The following UBE2E2 variants were observed in gnomAD, a reference collection of about 807,000 sequenced individuals.
UBE2E2 encodes the protein ubiquitin-conjugating enzyme E2 E2.
Under a neutral mutation model 24.7 loss-of-function variants are expected in UBE2E2, and 6 were observed. That is an observed-to-expected ratio of 0.24 (90% CI 0.13 to 0.48). The LOEUF is 0.48. UBE2E2 is among the 20% of genes least tolerant of loss of function. The probability of loss-of-function intolerance (pLI) is 0.99; values close to 1 mark genes in which losing one functional copy is unlikely to be tolerated. For missense variants in UBE2E2, 169 were observed against 245.0 expected (o/e 0.69, Z 2.07); for synonymous variants, 104 against 83.6 (o/e 1.24, Z -1.33).
At chr3:23,425,578 G>C (rs1464085640) in intron 3 of UBE2E2, among the ~76,000 whole-genome samples, 1 of 152,154 alleles carries the variant, frequency 6.6e-6, no homozygotes, top group Non-Finnish European at 1.5e-5. Context: ...ACCACCCCCA[G>C]ATTGAAGAGA....
At chr3:23,295,125 C>G (rs1698875016) in intron 3 of UBE2E2, among the ~76,000 whole-genome samples, 1 of 152,108 alleles carries the variant, frequency 6.6e-6, no homozygotes, top group African/African-American at 2.4e-5. Flanking sequence ...TTCAAAAACA[C>G]AGTGGAATGG....
chr3:23,313,043 G>T (rs1422373716), intron 3 of UBE2E2, among the ~76,000 whole-genome samples: 1 of 152,100 alleles, frequency 6.6e-6, no homozygotes, highest in Non-Finnish European at 1.5e-5. Flanking sequence ...TGATTCATGT[G>T]CTGAGGAGTA....
chr3:23,253,071 C>T (rs1022402900), intron 3 of UBE2E2, among the ~76,000 whole-genome samples: 2 of 152,056 alleles, frequency 1.3e-5, no homozygotes, highest in Non-Finnish European at 2.9e-5. Context: ...ATGACATATT[C>T]CTTACCTGTG....
intron 3 of UBE2E2, among the ~76,000 whole-genome samples, chr3:23,449,135 C>T (rs1158233188): frequency 2.0e-5 from 3 of 152,122 alleles, no homozygotes; most frequent in Non-Finnish European, 2.9e-5. Flanking sequence ...CATTACAGAA[C>T]GTCAGTAGGA....
intron 1 of UBE2E2, among the ~76,000 whole-genome samples, chr3:23,204,114 A>G (rs1238751877): frequency 6.6e-6 from 1 of 151,476 alleles, no homozygotes. Context: ...TTGAAACTGG[A>G]TTCCCTCTGT....
At chr3:23,445,114 G>A (rs1203404005) in intron 3 of UBE2E2, among the ~76,000 whole-genome samples, 1 of 152,114 alleles carries the variant, frequency 6.6e-6, no homozygotes, top group Non-Finnish European at 1.5e-5. Context: ...TACGCATTTA[G>A]CAATAGCTTT....
chr3:23,216,855 C>G (rs1041871387), intron 2 of UBE2E2, among the ~76,000 whole-genome samples: 1 of 152,018 alleles, frequency 6.6e-6, no homozygotes, highest in Non-Finnish European at 1.5e-5. Flanking sequence ...AATGAGATCC[C>G]GAATCATTTG....
intron 3 of UBE2E2, among the ~76,000 whole-genome samples, chr3:23,267,746 C>T (rs1698091014): frequency 6.6e-6 from 1 of 151,576 alleles, no homozygotes; most frequent in Admixed American, 6.6e-5. Context: ...GGCAGAGACA[C>T]AACCAAAAAA....
chr3:23,203,451 C>CA lies in UBE2E2; in HGVS notation c.-21dup, dbSNP rs1203530162. 3.3e-5 allele frequency: 29 copies of CA among 871,558 alleles called. No homozygotes were observed. Among genetic ancestry groups the CA allele is most frequent in the African/African-American group, 9.0e-5 (2 of 22,160 alleles). 54.0% of individuals were successfully genotyped at this position (871,558 alleles called of 1,614,324 possible). A position where few individuals can be genotyped will look rare whatever the true frequency, so the allele number is the denominator to read the frequency against. Reference sequence around the variant, plus strand: ...GGCTCGAGCCTGCGACCTGCACGGACACCCCCCCCTCAGGTATTCGCTCGG... The same window carrying CA: ...GGCTCGAGCCTGCGACCTGCACGGACAACCCCCCCCTCAGGTATTCGCTCGG... On this transcript the variant is annotated 5_prime_UTR_variant, in exon 1 of 6. Coordinates refer to ENST00000396703, the MANE Select transcript of UBE2E2 (RefSeq NM_152653.4).
At chr3:23,277,383 G>A (rs1407300175) in intron 3 of UBE2E2, among the ~76,000 whole-genome samples, 1 of 152,066 alleles carries the variant, frequency 6.6e-6, no homozygotes, top group Non-Finnish European at 1.5e-5. Context: ...TGATGGTGTA[G>A]GTTTCAGGCA....
At chr3:23,572,962 G>T (rs545232159) in intron 5 of UBE2E2, among the ~76,000 whole-genome samples, 37 of 152,124 alleles carry the variant, frequency 2.4e-4, no homozygotes, top group Non-Finnish European at 7.4e-5. Flanking sequence ...AGAGGGACAT[G>T]AGAGTCCTAT....
intron 3 of UBE2E2, among the ~76,000 whole-genome samples, chr3:23,319,124 C>T (rs1212180307): frequency 3.9e-5 from 6 of 152,036 alleles, no homozygotes; most frequent in African/African-American, 9.7e-5. Flanking sequence ...TATTTAAAAC[C>T]GTAAGCCAAA....
intron 3 of UBE2E2, among the ~76,000 whole-genome samples, chr3:23,380,308 C>A (rs1024582154): frequency 6.6e-5 from 10 of 152,180 alleles, no homozygotes; most frequent in Non-Finnish European, 1.3e-4. Flanking sequence ...CAGCCTGGAG[C>A]TCTAGGGCTC....
At chr3:23,567,449 T>C (rs1014931049) in intron 5 of UBE2E2, among the ~76,000 whole-genome samples, 1 of 152,180 alleles carries the variant, frequency 6.6e-6, no homozygotes, top group African/African-American at 2.4e-5. Context: ...AATCTTTATA[T>C]ATGATAAGAA....
At chr3:23,243,640 T>G (rs1484486777) in intron 3 of UBE2E2, among the ~76,000 whole-genome samples, 1 of 152,242 alleles carries the variant, frequency 6.6e-6, no homozygotes, top group African/African-American at 2.4e-5. Flanking sequence ...CATAATCATT[T>G]TGGCAAGTTT....
At chr3:23,320,843 G>T (rs1575559183) in intron 3 of UBE2E2, among the ~76,000 whole-genome samples, 1 of 152,174 alleles carries the variant, frequency 6.6e-6, no homozygotes, top group African/African-American at 2.4e-5. Context: ...ATACTCAGCT[G>T]TTTGTCTCCA....
chr3:23,265,317 G>A (rs1698016508), intron 3 of UBE2E2, among the ~76,000 whole-genome samples: 1 of 152,154 alleles, frequency 6.6e-6, no homozygotes. Context: ...AAGTTAGGGT[G>A]TCTTTCTCAC....
At chr3:23,214,929 T>TA (rs1454748974) in intron 2 of UBE2E2, among the ~76,000 whole-genome samples, 5 of 152,144 alleles carry the variant, frequency 3.3e-5, no homozygotes, top group Admixed American at 6.6e-5. Flanking sequence ...ATAATACACT[T>TA]ATTTCTCATT....
chr3:23,456,004 A>G (rs1698669623), intron 3 of UBE2E2, among the ~76,000 whole-genome samples: 1 of 152,254 alleles, frequency 6.6e-6, no homozygotes, highest in Non-Finnish European at 1.5e-5. Context: ...AAACTCTGCC[A>G]CGGCTTTATC....
Sources: gnomAD v4.1 joint callset for allele counts (sites outside exome capture counted in the v4.1 genomes callset) on GRCh38, gnomAD v4.1.1 for gene constraint, MANE v1.5 for transcripts, NCBI Gene and HGNC (gene_info 2026-07-23, HGNC 2026-07-21) for gene names.